Variants in OPCML observed in about 807,000 individuals in gnomAD.
OPCML encodes the protein opioid-binding protein/cell adhesion molecule.
A neutral mutation model predicts 37.8 loss-of-function variants in OPCML; 13 were observed. That is an observed-to-expected ratio of 0.34 (90% CI 0.22 to 0.55). The LOEUF (loss-of-function observed/expected upper bound fraction) is 0.55. Among genes scored for constraint, OPCML ranks in the 20% least tolerant of loss-of-function variants. The probability of loss-of-function intolerance (pLI) is 0.91; values close to 1 mark genes in which losing one functional copy is unlikely to be tolerated. For synonymous variants in OPCML, 176 were observed against 168.8 expected, an observed-to-expected ratio of 1.04 and a Z score of -0.33; for missense variants, 341 against 435.6, an observed-to-expected ratio of 0.78 and a Z score of 1.93.
intron 1 of OPCML, among the ~76,000 whole-genome samples, chr11:133,152,129 C>A (rs569741198): frequency 6.6e-6 from 1 of 152,280 alleles, no homozygotes; most frequent in South Asian, 2.1e-4. Context: ...ACTGTCTGAT[C>A]TTATTTTTAA....
intron 3 of OPCML, among the ~76,000 whole-genome samples, chr11:132,548,272 A>G (rs1375532184): frequency 6.6e-6 from 1 of 152,178 alleles, no homozygotes; most frequent in Non-Finnish European, 1.5e-5. Flanking sequence ...GTAGGCTCTA[A>G]AGGAAGTAGG....
At chr11:133,438,558 A>G (rs78025846) in intron 1 of OPCML, among the ~76,000 whole-genome samples, 2,673 of 152,314 alleles carry the variant, frequency 0.018, 49 homozygotes, top group East Asian at 0.055. Context: ...GGATGGAAAA[A>G]TGAATGCTAG....
rs1190944691 is a variant in OPCML, at chr11:132,943,182, G to C, written c.62-172C>G. On this transcript the variant is annotated intron_variant, in intron 1 of 7. Coordinates refer to ENST00000524381, the MANE Select transcript of OPCML (RefSeq NM_001012393.5). This position sits in a 1 kb window ranked among gnomAD's most constrained non-coding sequence, Gnocchi z 4.3. ...CCAGCGGGCTCGGGAAGCGGTGCGG[G>C]GAGGAGGGAAGGGGCAGAGTTCGCC... The C allele has an allele frequency of 1.3e-6, 2 of 1,585,352 alleles. No homozygotes were observed. Among genetic ancestry groups the C allele is most frequent in the African/African-American group, 1.3e-5 (1 of 74,332 alleles).
chr11:132,515,406 G>T (rs1046433228), intron 4 of OPCML, among the ~76,000 whole-genome samples: 2 of 152,174 alleles, frequency 1.3e-5, no homozygotes, highest in Non-Finnish European at 2.9e-5. Context: ...GGTAGGGAGA[G>T]TTGGGCTATA....
intron 2 of OPCML, among the ~76,000 whole-genome samples, chr11:132,837,319 C>A (rs933895721): frequency 4.0e-5 from 6 of 150,798 alleles, no homozygotes; most frequent in African/African-American, 1.5e-4. Flanking sequence ...ATCTCAAAAA[C>A]AAACAAGCAA....
chr11:133,460,012 T>C (rs756229061), intron 1 of OPCML, among the ~76,000 whole-genome samples: 26 of 152,000 alleles, frequency 1.7e-4, no homozygotes, highest in Non-Finnish European at 3.2e-4. Context: ...ATTGACATAA[T>C]ACAAATTGTC....
chr11:132,851,384 A>C (rs1351712800), intron 2 of OPCML, among the ~76,000 whole-genome samples: 2 of 152,176 alleles, frequency 1.3e-5, no homozygotes, highest in Non-Finnish European at 2.9e-5. Flanking sequence ...GAGCTCAAAA[A>C]TCTGAAGAAC....
intron 3 of OPCML, among the ~76,000 whole-genome samples, chr11:132,611,649 C>G (rs1364930849): frequency 2.0e-5 from 3 of 151,994 alleles, no homozygotes; most frequent in Non-Finnish European, 4.4e-5. Flanking sequence ...TAAATTTCCT[C>G]AAATTATTTA....
intron 1 of OPCML, among the ~76,000 whole-genome samples, chr11:133,487,245 A>G (rs1358014338): frequency 1.3e-5 from 2 of 152,266 alleles, no homozygotes; most frequent in Non-Finnish European, 2.9e-5. Context: ...GAGACTTTAC[A>G]TGATCTAATC....
intron 1 of OPCML, among the ~76,000 whole-genome samples, chr11:133,143,027 C>T (rs139560999): frequency 1.3e-5 from 2 of 152,280 alleles, no homozygotes; most frequent in Non-Finnish European, 2.9e-5. Flanking sequence ...CCAGAGACCA[C>T]GTTCCTCACA....
At chr11:133,041,978 T>C (rs1013487980) in intron 1 of OPCML, among the ~76,000 whole-genome samples, 10 of 152,126 alleles carry the variant, frequency 6.6e-5, no homozygotes, top group East Asian at 1.9e-4. Context: ...TATCCAGTCC[T>C]GTTGGCAAAC....
chr11:133,326,215 G>A (rs1943443417), intron 1 of OPCML, among the ~76,000 whole-genome samples: 1 of 151,382 alleles, frequency 6.6e-6, no homozygotes, highest in Admixed American at 6.6e-5. Context: ...CCTTTGTGTG[G>A]GAAACAAGAA....
At chr11:133,282,789 A>G (rs1047638029) in intron 1 of OPCML, among the ~76,000 whole-genome samples, 7 of 152,220 alleles carry the variant, frequency 4.6e-5, no homozygotes, top group African/African-American at 1.7e-4. Context: ...AAGGCCTTGA[A>G]GCCCACCCAT....
intron 1 of OPCML, among the ~76,000 whole-genome samples, chr11:133,154,279 C>T (rs1167899971): frequency 6.6e-6 from 1 of 151,860 alleles, no homozygotes; most frequent in Non-Finnish European, 1.5e-5. Flanking sequence ...CCTGGCCCCC[C>T]GCAAAAAGCC....
chr11:132,479,467 C>T (rs949404524), intron 4 of OPCML, among the ~76,000 whole-genome samples: 1 of 152,244 alleles, frequency 6.6e-6, no homozygotes, highest in African/African-American at 2.4e-5. Context: ...CACCATTGCC[C>T]AGGCTTGCTT....
intron 1 of OPCML, among the ~76,000 whole-genome samples, chr11:133,492,421 G>A (rs1244148258): frequency 6.6e-6 from 1 of 151,920 alleles, no homozygotes; most frequent in African/African-American, 2.4e-5. Context: ...TTCTACCCTT[G>A]ATAACAGCCT....
At chr11:132,606,973 C>T (rs1938343261) in intron 3 of OPCML, among the ~76,000 whole-genome samples, 1 of 152,086 alleles carries the variant, frequency 6.6e-6, no homozygotes, top group African/African-American at 2.4e-5. Flanking sequence ...GGTTTCAGTT[C>T]CATGAGTATG....
Position 133,045,722 on chromosome 11 carries a change from G to A in OPCML, c.62-102712C>T, listed in dbSNP as rs111839059. Among the ~76,000 whole-genome samples, 930 of 152,278 alleles carry A rather than the reference G, an allele frequency of 6.1e-3. 18 individuals carry two copies. Among genetic ancestry groups the A allele is most frequent in the African/African-American group, 0.022 (900 of 41,558 alleles). The stretch of plus-strand genomic sequence containing the variant: ...ACAGTGTGCAACCAGTGATATCTTC[G>A]TCTTCTAGCATGTTAGAGACATTTA... On this transcript the variant is annotated intron_variant, in intron 1 of 7. Coordinates refer to ENST00000524381, the MANE Select transcript of OPCML (RefSeq NM_001012393.5).
chr11:133,159,951 G>A (rs1950119157), intron 1 of OPCML, among the ~76,000 whole-genome samples: 1 of 152,190 alleles, frequency 6.6e-6, no homozygotes, highest in South Asian at 2.1e-4. Context: ...TCAAAGAGAG[G>A]ACTCAAACAA....
Sources: allele counts gnomAD v4.1 joint callset (sites outside exome capture counted in the v4.1 genomes callset), GRCh38; gene constraint gnomAD v4.1.1; non-coding constraint Gnocchi (gnomAD v3.1); transcripts MANE v1.5; gene names NCBI Gene and HGNC (gene_info 2026-07-23, HGNC 2026-07-21).